Variants in MYLK3 observed in about 807,000 individuals in gnomAD.
MYLK3 encodes myosin light chain kinase 3, also known as MLC kinase.
MYLK3 carries 55 observed loss-of-function variants against 76.3 expected under a neutral mutation model. That is an observed-to-expected ratio of 0.72 (90% CI 0.58 to 0.90). The LOEUF (loss-of-function observed/expected upper bound fraction) is 0.90. Ranked by LOEUF, MYLK3 falls within the 40% of genes least tolerant of loss-of-function variation. The pLI, the probability that MYLK3 is intolerant of heterozygous loss-of-function variation, is 0.00. For synonymous variants in MYLK3, 416 were observed against 425.4 expected (o/e 0.98, Z 0.27); for missense variants, 973 against 1,053.6 (o/e 0.92, Z 1.06).
At position 46,732,602 on chromosome 16, in the gene MYLK3, A is replaced by G. The variant is rs754601268; in HGVS notation, c.1068T>C (p.Leu356=). 1 of 1,582,868 alleles carries G rather than the reference A, an allele frequency of 6.3e-7. No homozygotes were observed. The highest frequency in any genetic ancestry group is 2.2e-5 in the East Asian group (1 of 44,540). The change falls in exon 4 of 13, where the codon CTT becomes CTC. Residue 356 remains leucine (L), a synonymous_variant. Transcript: ENST00000394809. ...GEMLMTGRGS[L]GPTLTTEAPA... Reference sequence around the variant, plus strand: ...GAGCCTCTGTGGTGAGGGTGGGTCCAAGGCTGCCCCTGCCTGTCATCAGCA... The same window carrying G: ...GAGCCTCTGTGGTGAGGGTGGGTCCGAGGCTGCCCCTGCCTGTCATCAGCA...
At chr16:46,731,951 T>A (rs1966853315) in intron 4 of MYLK3, among the ~76,000 whole-genome samples, 1 of 151,940 alleles carries the variant, frequency 6.6e-6, no homozygotes, top group African/African-American at 2.4e-5. Flanking sequence ...AGACCCTGTC[T>A]CCAAAAAAGG....
intron 1 of MYLK3, among the ~76,000 whole-genome samples, chr16:46,740,530 T>TAC (rs1966912174): frequency 5.5e-5 from 2 of 36,468 alleles, no homozygotes; most frequent in Middle Eastern, 0.013. Flanking sequence ...TATATATATA[T>TAC]ACATACATAT....
intron 1 of MYLK3, among the ~76,000 whole-genome samples, chr16:46,742,855 T>G (rs568523703): frequency 6.6e-6 from 1 of 152,314 alleles, no homozygotes; most frequent in Admixed American, 6.5e-5. Context: ...CTTATCCTTC[T>G]GCAGGCTCTG....
intron 9 of MYLK3, among the ~76,000 whole-genome samples, chr16:46,720,492 T>C (rs529956187): frequency 5.9e-5 from 9 of 152,198 alleles, no homozygotes; most frequent in Non-Finnish European, 1.2e-4. Context: ...TTAGCCACTG[T>C]GCTGGGCCTA....
chr16:46,758,302 A>ACT (rs1364568179), intron 1 of MYLK3, among the ~76,000 whole-genome samples: 7 of 53,922 alleles, frequency 1.3e-4, no homozygotes, highest in African/African-American at 6.4e-4. Flanking sequence ...ACACACACAC[A>ACT]CACTCTCTCT....
chr16:46,750,850 G>A (rs961151019), upstream of MYLK3, among the ~76,000 whole-genome samples: 3 of 151,562 alleles, frequency 2.0e-5, no homozygotes, highest in South Asian at 2.1e-4. Flanking sequence ...AAAATTAGCC[G>A]GGTGTGGTAG....
intron 1 of MYLK3, among the ~76,000 whole-genome samples, chr16:46,760,286 C>A (rs1208280700): frequency 6.6e-6 from 1 of 152,244 alleles, no homozygotes; most frequent in African/African-American, 2.4e-5. Context: ...CTCCTACAAA[C>A]ACACGCGCAG....
rs770223756 is a variant in MYLK3 at position 46,721,165 on chromosome 16, G to C, written c.1943C>G (p.Thr648Arg). 3 of 1,614,200 alleles carry C rather than the reference G, an allele frequency of 1.9e-6. No homozygotes were observed. In the South Asian group the frequency reaches 3.3e-5, roughly 18 times the overall value. ...KPENILCVNQ[T>R]GHQIKIIDFG... ...GTCAATGATCTTAATTTGATGTCCTGTCTGATTGACGCACAATATGTTCTC... is the reference window on the plus strand; with the variant it reads ...GTCAATGATCTTAATTTGATGTCCTCTCTGATTGACGCACAATATGTTCTC... Residue 648 changes from threonine (T) to arginine (R), a missense_variant, in exon 9 of 13, where the codon ACA becomes AGA. Coordinates refer to ENST00000394809, the MANE Select transcript of MYLK3 (RefSeq NM_182493.3).
In MYLK3 at chr16:46,748,017, G is replaced by C. The variant is rs1275051526; in HGVS notation, c.177C>G (p.His59Gln). The C allele has an allele frequency of 3.7e-6, 6 of 1,613,902 alleles. No homozygotes were observed. The highest frequency in any genetic ancestry group is 5.1e-6 in the Non-Finnish European group (6 of 1,180,038). The part of the protein sequence containing the change: ...KLQSMCRDMG[H>Q]LERGLHRLEA... ...CCAGCCTGTGCAGGCCCCGCTCCAG[G>C]TGGCCCATGTCTCGGCACATGCTCT... The change falls in exon 1 of 13, where the codon CAC (histidine) becomes CAG (glutamine). Residue 59 changes from histidine (H) to glutamine (Q), a missense_variant. Physicochemically the swap from His to Gln is conservative, Grantham distance 24 (BLOSUM62 0). Around this residue, in one of 2 missense-constraint regions of MYLK3, gnomAD observed 641 missense variants for 637.0 expected, o/e 1.01. Transcript: ENST00000394809. The surrounding 1 kb of genome is among the most constrained non-coding windows in gnomAD (Gnocchi z 4.3).
chr16:46,722,187 T>C (rs1207940255), intron 8 of MYLK3, among the ~76,000 whole-genome samples: 1 of 152,006 alleles, frequency 6.6e-6, no homozygotes, highest in African/African-American at 2.4e-5. Context: ...GGAGAGAAGC[T>C]GAGTGAAGAT....
chr16:46,727,623 T>C lies in MYLK3; in HGVS notation c.1773-246A>G, dbSNP rs1214693417. Among the ~76,000 whole-genome samples, 4 of 152,222 alleles carry C rather than the reference T, an allele frequency of 2.6e-5. No homozygotes were observed. In the South Asian group the frequency reaches 8.3e-4, roughly 32 times the overall value. On this transcript the variant is annotated intron_variant, in intron 7 of 12. Coordinates refer to ENST00000394809, the MANE Select transcript of MYLK3 (RefSeq NM_182493.3). ...CTCACTGCAACCTCCGTCTCCTGGG[T>C]TCAAGTGATTCTCCTGCCTCAGCTT...
At chr16:46,755,921 T>G (rs1030517206) in intron 1 of MYLK3, among the ~76,000 whole-genome samples, 2 of 146,582 alleles carry the variant, frequency 1.4e-5, no homozygotes, top group African/African-American at 5.0e-5. Context: ...TTTTTTTTTT[T>G]TTTTGAGATG....
chr16:46,762,495 G>A (rs1000077140), intron 1 of MYLK3, among the ~76,000 whole-genome samples: 9 of 152,138 alleles, frequency 5.9e-5, no homozygotes, highest in African/African-American at 1.9e-4. Flanking sequence ...CCCAGCTGAC[G>A]GAAAACATTT....
At chr16:46,757,931 G>T (rs1283902238) in intron 1 of MYLK3, among the ~76,000 whole-genome samples, 2 of 152,214 alleles carry the variant, frequency 1.3e-5, no homozygotes, top group Non-Finnish European at 2.9e-5. Context: ...GAGCCCTGAG[G>T]ACAGAGGAGA....
At chr16:46,726,211 C>G (rs571395868) in intron 8 of MYLK3, 2 of 152,058 alleles carry the variant, frequency 1.3e-5, no homozygotes, top group African/African-American at 4.8e-5. Flanking sequence ...TACCATATAC[C>G]ACTCAGCGCC....
intron 5 of MYLK3, among the ~76,000 whole-genome samples, chr16:46,730,312 C>CT (rs1966849994): frequency 6.6e-6 from 1 of 152,192 alleles, no homozygotes; most frequent in South Asian, 2.1e-4. Flanking sequence ...TTCCGGCCAC[C>CT]TCCAGGCTGT....
intron 1 of MYLK3, among the ~76,000 whole-genome samples, chr16:46,741,143 T>C (rs767269797): frequency 1.3e-4 from 20 of 152,200 alleles, no homozygotes; most frequent in Non-Finnish European, 2.5e-4. Context: ...TCCTCATCTG[T>C]AAAATGGGGA....
chr16:46,714,790 G>A (rs1472162534), intron 9 of MYLK3, among the ~76,000 whole-genome samples: 2 of 152,180 alleles, frequency 1.3e-5, no homozygotes, highest in African/African-American at 2.4e-5. Flanking sequence ...GAGAATGAGG[G>A]CACACGGAGC....
chr16:46,742,447 A>AC (rs1555471290), intron 1 of MYLK3, among the ~76,000 whole-genome samples: 13,295 of 130,876 alleles, frequency 0.1, 909 homozygotes, highest in Admixed American at 0.23. Flanking sequence ...TCCCAGCAAA[A>AC]ACACACACAC....
Sources: gnomAD v4.1 joint callset for allele counts (sites outside exome capture counted in the v4.1 genomes callset) on GRCh38, gnomAD v4.1.1 for gene constraint, gnomAD v4.1.1 regional missense constraint, Gnocchi (gnomAD v3.1) non-coding constraint, MANE v1.5 for transcripts, NCBI Gene and HGNC (gene_info 2026-07-23, HGNC 2026-07-21) for gene names.